Variants in FOXP4 observed in about 807,000 individuals in gnomAD.
FOXP4 encodes the protein forkhead box protein P4.
Under a neutral mutation model 82.6 loss-of-function variants are expected in FOXP4, and 25 were observed. That is an observed-to-expected ratio of 0.30 (90% CI 0.22 to 0.42). The LOEUF (loss-of-function observed/expected upper bound fraction) is 0.42. Among genes scored for constraint, FOXP4 ranks in the 10% least tolerant of loss-of-function variants. The pLI is 1.00. For missense variants in FOXP4, 785 were observed against 900.9 expected, an observed-to-expected ratio of 0.87 and a Z score of 1.65; for synonymous variants, 415 against 388.2, an observed-to-expected ratio of 1.07 and a Z score of -0.81.
At position 41,600,731 on chromosome 6, in the gene FOXP4, G is replaced by C. The variant is rs1767180873; in HGVS notation, c.*1795G>C. On this transcript the variant is annotated 3_prime_UTR_variant, in exon 17 of 17. Transcript: ENST00000307972. ...GCAGCAGCAACGTGAGGGTCGCTGTGGTGGTGGTTTCTGTGAGTGGATGGA... is the reference window on the plus strand; with the variant it reads ...GCAGCAGCAACGTGAGGGTCGCTGTCGTGGTGGTTTCTGTGAGTGGATGGA... 1 of 152,350 alleles carries C rather than the reference G, an allele frequency of 6.6e-6. No homozygotes were observed. The highest frequency in any genetic ancestry group is 6.5e-5 in the Admixed American group (1 of 15,292). The allele number at this position is 152,350 out of a possible 1,614,324, so 9.4% of individuals were successfully genotyped here.
intron 1 of FOXP4, among the ~76,000 whole-genome samples, chr6:41,562,220 G>A (rs1417870433): frequency 1.3e-5 from 2 of 152,200 alleles, no homozygotes; most frequent in Non-Finnish European, 2.9e-5. Context: ...CAGGTTTGGG[G>A]GGTATGTTGT....
At chr6:41,597,724 C>T (rs1389710390) in intron 15 of FOXP4, 57 bp from the exon 16 acceptor site, 22 of 1,566,720 alleles carry the variant, frequency 1.4e-5, no homozygotes, top group Non-Finnish European at 1.9e-5. Flanking sequence ...CAGCACTTGA[C>T]TGAGTGTGCC....
intron 2 of FOXP4, among the ~76,000 whole-genome samples, chr6:41,574,171 C>T (rs1765348236): frequency 6.6e-6 from 1 of 152,172 alleles, no homozygotes; most frequent in Non-Finnish European, 1.5e-5. Context: ...TCTTCCTCCA[C>T]CTCCACCATC....
Position 41,594,741 on chromosome 6 carries a change from C to A in FOXP4, c.1537-129C>A, listed in dbSNP as rs573761487. 43 of 1,404,380 alleles carry A rather than the reference C, an allele frequency of 3.1e-5. 1 individual carries two copies. The Admixed American group carries it at 3.9e-4, about 13-fold the overall frequency. 87.0% of individuals were successfully genotyped at this position (1,404,380 alleles called of 1,614,324 possible). On this transcript the variant is annotated intron_variant, in intron 13 of 16. Transcript: ENST00000307972. ...CTGGGTCTCCTCCCAGCCCACCCCCCTCCCCTGCTCATCCCTGAGCTGGGG... is the reference window on the plus strand; with the variant it reads ...CTGGGTCTCCTCCCAGCCCACCCCCATCCCCTGCTCATCCCTGAGCTGGGG...
At chr6:41,577,736 C>T (rs60352284) in intron 2 of FOXP4, among the ~76,000 whole-genome samples, 10,234 of 152,160 alleles carry the variant, frequency 0.067, 415 homozygotes, top group African/African-American at 0.11. Context: ...TTGCTGTCCC[C>T]ATTGAGTCCT....
At chr6:41,596,886 T>TG (rs1469206635) in intron 14 of FOXP4, among the ~76,000 whole-genome samples, 1 of 151,278 alleles carries the variant, frequency 6.6e-6, no homozygotes, top group East Asian at 2.0e-4. Context: ...AGGCAGACAC[T>TG]GGGGGGATGC....
intron 4 of FOXP4, 107 bp downstream of exon 4, chr6:41,584,998 G>C: frequency 1.4e-6 from 2 of 1,402,374 alleles, no homozygotes; most frequent in Non-Finnish European, 1.9e-6. Flanking sequence ...AAACCAGAGA[G>C]ACTGCTCAGG....
At chr6:41,595,724 T>C (rs1766794039) in intron 14 of FOXP4, among the ~76,000 whole-genome samples, 1 of 152,096 alleles carries the variant, frequency 6.6e-6, no homozygotes, top group Non-Finnish European at 1.5e-5. Flanking sequence ...TGCCCCAGCC[T>C]TTCGGGTAGC....
intron 2 of FOXP4, chr6:41,570,079 GACACACAC>G (rs35549847): frequency 9.7e-5 from 12 of 123,960 alleles, no homozygotes; most frequent in South Asian, 1.8e-4. Flanking sequence ...ACCACCCCCT[GACACACAC>G]ACACACACAC....
intron 1 of FOXP4, among the ~76,000 whole-genome samples, chr6:41,548,190 G>C (rs182715021): frequency 6.6e-6 from 1 of 152,166 alleles, no homozygotes; most frequent in African/African-American, 2.4e-5. Context: ...TCGGCGCCTG[G>C]CGTTTCGGGC....
chr6:41,554,852 T>C (rs1438475169), intron 1 of FOXP4, among the ~76,000 whole-genome samples: 5 of 150,850 alleles, frequency 3.3e-5, no homozygotes, highest in Admixed American at 3.3e-4. Flanking sequence ...AGAATGAGAC[T>C]CTGCCTCCAA....
chr6:41,572,273 C>A (rs1207827666), intron 2 of FOXP4, among the ~76,000 whole-genome samples: 1 of 152,160 alleles, frequency 6.6e-6, no homozygotes, highest in Non-Finnish European at 1.5e-5. Flanking sequence ...GTTGTGTCTC[C>A]TCAGAGAGGC....
Position 41,595,005 on chromosome 6 carries a change from GA to G in FOXP4, c.1658+15del. 6.2e-7 allele frequency: 1 copy of G among 1,613,880 alleles called. No individual in the cohort carries two copies. Among genetic ancestry groups the G allele is most frequent in the Non-Finnish European group, 8.5e-7 (1 of 1,179,966 alleles). On this transcript the variant is annotated intron_variant, in intron 14 of 16. Coordinates refer to ENST00000307972, the MANE Select transcript of FOXP4 (RefSeq NM_001012426.2). ...AAAGATGACAGGGTATGTGGGTCCA[GA>G]GCTGGATGGGCTGTACCTGCCCAGG...
chr6:41,569,579 G>A (rs1032292046), intron 2 of FOXP4, among the ~76,000 whole-genome samples: 3 of 152,246 alleles, frequency 2.0e-5, no homozygotes, highest in African/African-American at 7.2e-5. Context: ...TTTTGGGAGG[G>A]GAGGTCTTGG....
intron 14 of FOXP4, 106 bp downstream of exon 14, chr6:41,595,097 T>C: frequency 6.6e-7 from 1 of 1,514,554 alleles, no homozygotes; most frequent in Non-Finnish European, 8.9e-7. Context: ...AGATCCTTCC[T>C]GGCTGGGGGA....
intron 1 of FOXP4, among the ~76,000 whole-genome samples, chr6:41,561,312 C>G (rs1178324080): frequency 7.3e-6 from 1 of 136,506 alleles, no homozygotes; most frequent in African/African-American, 3.0e-5. Context: ...ACTCGGCCTC[C>G]GGTGCTATCT....
In FOXP4 at chr6:41,590,006, T is replaced by A. The variant is rs201048055; in HGVS notation, c.1193T>A (p.Val398Asp). The A allele has an allele frequency of 5.0e-5, 81 of 1,613,886 alleles. 1 individual carries two copies. The East Asian group carries it at 1.3e-3, about 27-fold the overall frequency. Residue 398 changes from valine to aspartate, a missense_variant, in exon 11 of 17, where the codon GTC (valine) becomes GAC (aspartate). This residue lies in a region of FOXP4 where 570 missense variants were observed against 634.0 expected (regional missense o/e 0.90). Transcript: ENST00000307972. ...PGSSSFSKVT[V>D]SAADSFPDGL... ...TCCTCCTCATTCTCCAAGGTGACCGTCTCTGCAGCAGACTCATTCCCAGAT... is the reference window on the plus strand; with the variant it reads ...TCCTCCTCATTCTCCAAGGTGACCGACTCTGCAGCAGACTCATTCCCAGAT...
chr6:41,555,622 T>G (rs1466947545), intron 1 of FOXP4, among the ~76,000 whole-genome samples: 1 of 152,202 alleles, frequency 6.6e-6, no homozygotes, highest in Admixed American at 6.5e-5. Context: ...GAATTGCCCC[T>G]ACCCCTTAAC....
intron 5 of FOXP4, among the ~76,000 whole-genome samples, chr6:41,586,453 G>A (rs1250262891): frequency 6.6e-6 from 1 of 152,208 alleles, no homozygotes; most frequent in Non-Finnish European, 1.5e-5. Flanking sequence ...AACGAGTACA[G>A]GGCGCCTGGG....
Sources: gnomAD v4.1 joint callset for allele counts (sites outside exome capture counted in the v4.1 genomes callset) on GRCh38, gnomAD v4.1.1 for gene constraint, gnomAD v4.1.1 regional missense constraint, MANE v1.5 for transcripts, NCBI Gene and HGNC (gene_info 2026-07-23, HGNC 2026-07-21) for gene names.